INVS: variants seen among roughly 807,000 people sequenced by gnomAD.
INVS encodes inversion of embryo turning homolog.
A neutral mutation model predicts 108.8 loss-of-function variants in INVS; 86 were observed. The observed-to-expected ratio is 0.79, with a 90% CI of 0.66 to 0.95. The LOEUF is 0.95. INVS is among the 40% of genes least tolerant of loss of function. The pLI is 0.00. For synonymous variants in INVS, 455 were observed against 473.5 expected (o/e 0.96, Z 0.51); for missense variants, 1,169 against 1,297.4 (o/e 0.90, Z 1.52).
rs572548999 is a variant in INVS at position 100,179,956 on chromosome 9, A to C, written c.274-46106A>C. ...GTAACAGTCTCTCAGACCACAGTGCAATCAAATTGGAACTCAGGATTAAGA... is the reference window on the plus strand; with the variant it reads ...GTAACAGTCTCTCAGACCACAGTGCCATCAAATTGGAACTCAGGATTAAGA... On this transcript the variant is annotated intron_variant, in intron 3 of 16. Transcript: ENST00000262457. Among the ~76,000 whole-genome samples, 3 of 152,338 alleles carry C rather than the reference A, an allele frequency of 2.0e-5. No homozygotes were observed. In the South Asian group the frequency reaches 6.2e-4, roughly 32 times the overall value.
At chr9:100,099,579 A>G (rs1252908936) in intron 1 of INVS, among the ~76,000 whole-genome samples, 163 bp downstream of exon 1, 1 of 152,186 alleles carries the variant, frequency 6.6e-6, no homozygotes, top group Non-Finnish European at 1.5e-5. Context: ...TTCCTGCATT[A>G]TAAAGTCAGA....
At chr9:100,212,711 TCAA>T (rs955434549) in intron 3 of INVS, among the ~76,000 whole-genome samples, 26 of 152,196 alleles carry the variant, frequency 1.7e-4, no homozygotes, top group African/African-American at 5.6e-4. Context: ...CATTTAGCTC[TCAA>T]CATTTCTATT....
chr9:100,135,369 C>T (rs1828192557), intron 3 of INVS, among the ~76,000 whole-genome samples: 1 of 152,134 alleles, frequency 6.6e-6, no homozygotes, highest in Non-Finnish European at 1.5e-5. Flanking sequence ...GCAGCAGAAT[C>T]ACTTGGAGAA....
At chr9:100,125,510 C>G (rs888866384) in intron 2 of INVS, among the ~76,000 whole-genome samples, 4 of 152,118 alleles carry the variant, frequency 2.6e-5, no homozygotes, top group African/African-American at 9.7e-5. Context: ...GAACTTACCA[C>G]CAGGTTGTCT....
At chr9:100,186,068 A>G (rs538356797) in intron 3 of INVS, among the ~76,000 whole-genome samples, 37 of 152,284 alleles carry the variant, frequency 2.4e-4, no homozygotes, top group African/African-American at 8.4e-4. Context: ...CAGTAGTAGA[A>G]TTGCTGGATC....
chr9:100,206,358 G>GT (rs1303656831), intron 3 of INVS, among the ~76,000 whole-genome samples: 1 of 151,724 alleles, frequency 6.6e-6, no homozygotes, highest in Non-Finnish European at 1.5e-5. Flanking sequence ...AAAATTTTAA[G>GT]TTTTTTTTCT....
chr9:100,300,501 A>T, intron 16 of INVS, 67 bp from the exon 17 acceptor site: 1 of 1,091,834 alleles, frequency 9.2e-7, no homozygotes, highest in Non-Finnish European at 1.4e-6. Context: ...CCTCAACACC[A>T]ATGAACTATT....
At chr9:100,104,044 G>A (rs1366738214) in intron 1 of INVS, among the ~76,000 whole-genome samples, 1 of 152,024 alleles carries the variant, frequency 6.6e-6, no homozygotes, top group East Asian at 1.9e-4. Context: ...TTGTGTCACT[G>A]TAACCCTGAG....
At chr9:100,240,308 T>C in intron 6 of INVS, 68 bp downstream of exon 6, 1 of 1,194,756 alleles carries the variant, frequency 8.4e-7, no homozygotes, top group Non-Finnish European at 1.2e-6. Flanking sequence ...GTGCCTTCCC[T>C]TCCACTGTTT....
intron 3 of INVS, among the ~76,000 whole-genome samples, chr9:100,143,912 G>A (rs1349031481): frequency 1.3e-5 from 2 of 152,118 alleles, no homozygotes; most frequent in African/African-American, 2.4e-5. Context: ...CTCGGCGTCC[G>A]TGATGGTTTA....
At chr9:100,197,290 G>C (rs1224719331) in intron 3 of INVS, among the ~76,000 whole-genome samples, 2 of 152,162 alleles carry the variant, frequency 1.3e-5, no homozygotes, top group Non-Finnish European at 2.9e-5. Flanking sequence ...AGAGATACAT[G>C]GTCTGGGTAC....
intron 14 of INVS, 53 bp from the exon 15 acceptor site, chr9:100,296,864 A>C: frequency 7.2e-7 from 1 of 1,397,918 alleles, no homozygotes. Context: ...AAGGAAATTT[A>C]GTTTTCTCAG....
intron 2 of INVS, chr9:100,116,958 C>G: frequency 6.4e-7 from 1 of 1,557,442 alleles, no homozygotes; most frequent in East Asian, 2.2e-5. Context: ...CAGCCCCGGG[C>G]TGAGGTGTAG....
chr9:100,301,141 A>T lies in INVS; in HGVS notation c.*467A>T, dbSNP rs10819755. Reference sequence around the variant, plus strand: ...TGGCATCTAATGCAACAAACTTATCACACACACACACACACACACACACAC... The same window carrying T: ...TGGCATCTAATGCAACAAACTTATCTCACACACACACACACACACACACAC... On this transcript the variant is annotated 3_prime_UTR_variant, in exon 17 of 17. Coordinates refer to ENST00000262457, the MANE Select transcript of INVS (RefSeq NM_014425.5). The T allele has an allele frequency of 0.057, 2,238 of 39,452 alleles. 27 individuals are homozygous for T. Among genetic ancestry groups the T allele is most frequent in the South Asian group, 0.11 (143 of 1,320 alleles). The allele number at this position is 39,452 out of a possible 1,614,324, so 2.4% of individuals were successfully genotyped here.
chr9:100,273,148 T>G, intron 12 of INVS, 72 bp downstream of exon 12: 2 of 1,152,670 alleles, frequency 1.7e-6, no homozygotes, highest in South Asian at 1.2e-5. Context: ...TGGGGGGTGC[T>G]GGGGTGGCCA....
intron 13 of INVS, among the ~76,000 whole-genome samples, chr9:100,290,410 C>T (rs544409407): frequency 3.9e-5 from 6 of 152,226 alleles, no homozygotes; most frequent in Non-Finnish European, 7.4e-5. Flanking sequence ...AGTGCAGTGG[C>T]GCAATCTTGG....
At chr9:100,261,992 A>AT (rs989480122) in intron 10 of INVS, among the ~76,000 whole-genome samples, 23 of 150,588 alleles carry the variant, frequency 1.5e-4, no homozygotes, top group Admixed American at 4.0e-4. Context: ...TATCAACAAG[A>AT]TTTTTTTTTC....
At chr9:100,115,792 A>T (rs576653682) in intron 2 of INVS, among the ~76,000 whole-genome samples, 63 of 152,288 alleles carry the variant, frequency 4.1e-4, no homozygotes, top group African/African-American at 1.3e-3. Flanking sequence ...ATGATTTATA[A>T]TCCTTTGGGT....
intron 2 of INVS, among the ~76,000 whole-genome samples, chr9:100,113,005 C>T (rs1827391192): frequency 6.6e-6 from 1 of 152,210 alleles, no homozygotes. Flanking sequence ...GCCCTTTAAT[C>T]ATGAAAGACA....
Sources: gnomAD v4.1 joint callset for allele counts (sites outside exome capture counted in the v4.1 genomes callset) on GRCh38, gnomAD v4.1.1 for gene constraint, MANE v1.5 for transcripts, NCBI Gene and HGNC (gene_info 2026-07-23, HGNC 2026-07-21) for gene names.